STRBP: variants seen among roughly 807,000 people sequenced by gnomAD.
STRBP encodes spermatid perinuclear RNA binding protein.
A neutral mutation model predicts 80.1 loss-of-function variants in STRBP; 13 were observed. That is an observed-to-expected ratio of 0.16 (90% CI 0.11 to 0.26). The LOEUF (loss-of-function observed/expected upper bound fraction) is 0.26, where lower values mean the gene tolerates loss of function less well. Ranked by LOEUF, STRBP falls within the 10% of genes least tolerant of loss-of-function variation. The probability of loss-of-function intolerance (pLI) is 1.00; values close to 1 mark genes in which losing one functional copy is unlikely to be tolerated. For synonymous variants in STRBP, 284 were observed against 291.2 expected (o/e 0.98, Z 0.25); for missense variants, 485 against 815.2 (o/e 0.59, Z 4.93).
At chr9:123,205,135 G>A (rs551892595) in intron 2 of STRBP, among the ~76,000 whole-genome samples, 9 of 151,892 alleles carry the variant, frequency 5.9e-5, no homozygotes, top group East Asian at 1.9e-4. Context: ...GTGTGGTGGC[G>A]GGCACCTGTA....
rs139084768 is a variant in STRBP, at chr9:123,160,816, T to C, written c.627+161A>G. Among the ~76,000 whole-genome samples the C allele has an allele frequency of 7.9e-3, 1,209 of 152,342 alleles. 11 individuals are homozygous for C. The highest frequency in any genetic ancestry group is 0.034 in the Middle Eastern group (10 of 294). On this transcript the variant is annotated intron_variant, in intron 7 of 18. Coordinates refer to ENST00000348403, the MANE Select transcript of STRBP (RefSeq NM_018387.5). ...ACATCATGAACTATAGAAGCTATAC[T>C]AGGCACATATCTAAATTAACTCAAT...
At position 123,125,316 on chromosome 9, in the gene STRBP, A is replaced by G; in HGVS notation, c.*281T>C. On this transcript the variant is annotated 3_prime_UTR_variant, in exon 19 of 19. Transcript: ENST00000348403. ...AATCTGATACGTCTCTTAAAACTTAAACTTTGAACTGCTAGACTTTTATTT... is the reference window on the plus strand; with the variant it reads ...AATCTGATACGTCTCTTAAAACTTAGACTTTGAACTGCTAGACTTTTATTT... 1 of 1,103,952 alleles carries G rather than the reference A, an allele frequency of 9.1e-7. No individual in the cohort carries two copies. The allele number at this position is 1,103,952 out of a possible 1,614,324, so 68.4% of individuals were successfully genotyped here.
chr9:123,229,203 A>G (rs904658317), intron 2 of STRBP, among the ~76,000 whole-genome samples: 2 of 152,218 alleles, frequency 1.3e-5, no homozygotes, highest in Non-Finnish European at 1.5e-5. Flanking sequence ...GGGAGTGGCC[A>G]CTAAGGGGTA....
chr9:123,237,179 T>C (rs888260795), intron 1 of STRBP, among the ~76,000 whole-genome samples: 6 of 152,152 alleles, frequency 3.9e-5, no homozygotes, highest in African/African-American at 1.4e-4. Flanking sequence ...TGTGTAATAA[T>C]ACTTTGCAAA....
chr9:123,203,479 G>A (rs564398281), intron 2 of STRBP, among the ~76,000 whole-genome samples: 3 of 152,066 alleles, frequency 2.0e-5, no homozygotes, highest in African/African-American at 4.8e-5. Flanking sequence ...TCTGATTCCC[G>A]TTAACTTCTT....
chr9:123,227,353 C>A (rs1415537155), intron 2 of STRBP, among the ~76,000 whole-genome samples: 2 of 151,900 alleles, frequency 1.3e-5, no homozygotes, highest in Non-Finnish European at 2.9e-5. Context: ...TGCAAAGGCC[C>A]TGAGTCTAAC....
At chr9:123,215,726 G>A (rs1423214878) in intron 2 of STRBP, among the ~76,000 whole-genome samples, 1 of 152,224 alleles carries the variant, frequency 6.6e-6, no homozygotes, top group Non-Finnish European at 1.5e-5. Context: ...CGGAGTTGCA[G>A]TGAGCTGAGA....
intron 2 of STRBP, among the ~76,000 whole-genome samples, chr9:123,198,840 A>G (rs1162044959): frequency 2.0e-5 from 3 of 152,218 alleles, no homozygotes; most frequent in Admixed American, 1.3e-4. Context: ...CATTTATTAA[A>G]TAGTGTCCAT....
intron 17 of STRBP, 71 bp downstream of exon 17, chr9:123,132,774 A>T: frequency 1.3e-6 from 2 of 1,583,482 alleles, no homozygotes; most frequent in Non-Finnish European, 1.7e-6. Context: ...AACCTTAGAA[A>T]ATGCAGGAGA....
chr9:123,111,683 G>A (rs1588428846), intron 3 of STRBP: 2 of 462,284 alleles, frequency 4.3e-6, no homozygotes, highest in Non-Finnish European at 8.9e-6. Flanking sequence ...TGCAGCCAGG[G>A]ACAGGCTGCA....
At chr9:123,256,022 T>C (rs913539866) in intron 1 of STRBP, among the ~76,000 whole-genome samples, 47 of 128,194 alleles carry the variant, frequency 3.7e-4, no homozygotes, top group Non-Finnish European at 7.0e-4. Context: ...TTCTTTCTTT[T>C]TTTTTTTTTT....
chr9:123,124,268 TATAA>T lies in STRBP; in HGVS notation c.*1325_*1328del, dbSNP rs1191953276. 2 of 985,308 alleles carry T rather than the reference TATAA, an allele frequency of 2.0e-6. No homozygotes were observed. The highest frequency in any genetic ancestry group is 1.2e-6 in the Non-Finnish European group (1 of 829,938). The allele number at this position is 985,308 out of a possible 1,614,324, so 61.0% of individuals were successfully genotyped here. The stretch of plus-strand genomic sequence containing the variant: ...CAGACATTTTTAAGACATGGTGCCT[TATAA>T]ATATTGACAGGGGACCACACTGCTG... On this transcript the variant is annotated 3_prime_UTR_variant, in exon 19 of 19. Coordinates refer to ENST00000348403, the MANE Select transcript of STRBP (RefSeq NM_018387.5).
Position 123,136,203 on chromosome 9 carries a change from T to G in STRBP, c.1633-22A>C. 1 of 1,613,794 alleles carries G rather than the reference T, an allele frequency of 6.2e-7. No individual in the cohort carries two copies. The highest frequency in any genetic ancestry group is 1.1e-5 in the South Asian group (1 of 91,032). On this transcript the variant is annotated intron_variant, in intron 15 of 18. Transcript: ENST00000348403. The surrounding 1 kb of genome is among the most constrained non-coding windows in gnomAD (Gnocchi z 4.2). ...CTACCTACAATCAAGAATAACACCT[T>G]GCAATTATCCCATGCAATTCCTCTA...
chr9:123,207,669 C>A (rs1406992014), intron 2 of STRBP, among the ~76,000 whole-genome samples: 1 of 152,028 alleles, frequency 6.6e-6, no homozygotes, highest in Non-Finnish European at 1.5e-5. Flanking sequence ...ACCACCAAGG[C>A]ATGTGTATAC....
chr9:123,223,810 T>C (rs1392763395), intron 2 of STRBP, among the ~76,000 whole-genome samples: 2 of 152,206 alleles, frequency 1.3e-5, no homozygotes, highest in Non-Finnish European at 2.9e-5. Context: ...ATGTGCTTTA[T>C]AATTAACAGA....
At chr9:123,187,882 T>G (rs561615224) in intron 2 of STRBP, among the ~76,000 whole-genome samples, 1 of 152,068 alleles carries the variant, frequency 6.6e-6, no homozygotes, top group Non-Finnish European at 1.5e-5. Flanking sequence ...CTAAAGTTCA[T>G]AGTTTACATT....
chr9:123,147,980 C>CCATA (rs1181451920), intron 11 of STRBP, 110 bp from the exon 12 acceptor site: 1 of 924,320 alleles, frequency 1.1e-6, no homozygotes, highest in East Asian at 2.8e-5. Flanking sequence ...ACACCAAGGA[C>CCATA]CATACAACTT....
intron 2 of STRBP, among the ~76,000 whole-genome samples, chr9:123,214,924 A>G (rs2039844041): frequency 6.6e-6 from 1 of 152,160 alleles, no homozygotes; most frequent in African/African-American, 2.4e-5. Context: ...GCTTCGCATT[A>G]TAGTTTCTGG....
intron 2 of STRBP, among the ~76,000 whole-genome samples, chr9:123,226,221 A>G (rs1336824127): frequency 6.6e-6 from 1 of 152,220 alleles, no homozygotes; most frequent in Non-Finnish European, 1.5e-5. Context: ...CAGGAGCAGG[A>G]GGTGAAGAGA....
Sources: gnomAD v4.1 joint callset for allele counts (sites outside exome capture counted in the v4.1 genomes callset) on GRCh38, gnomAD v4.1.1 for gene constraint, Gnocchi (gnomAD v3.1) non-coding constraint, MANE v1.5 for transcripts, NCBI Gene and HGNC (gene_info 2026-07-23, HGNC 2026-07-21) for gene names.